SLC15A1: variants seen among roughly 807,000 people sequenced by gnomAD.
SLC15A1 encodes the protein Caco-2 oligopeptide transporter.
A neutral mutation model predicts 92.9 loss-of-function variants in SLC15A1; 83 were observed. The observed-to-expected ratio is 0.89, with a 90% CI of 0.75 to 1.07. The LOEUF (loss-of-function observed/expected upper bound fraction) is 1.07. SLC15A1 is among the 50% of genes least tolerant of loss of function. The pLI, the probability that SLC15A1 is intolerant of heterozygous loss-of-function variation, is 0.00. For synonymous variants in SLC15A1, 322 were observed against 318.2 expected (o/e 1.01, Z -0.13); for missense variants, 857 against 880.1 (o/e 0.97, Z 0.33).
intron 1 of SLC15A1, among the ~76,000 whole-genome samples, chr13:98,751,986 C>T (rs1476710421): frequency 2.0e-5 from 3 of 152,208 alleles, no homozygotes; most frequent in South Asian, 2.1e-4. Context: ...AATTCGGAAG[C>T]GGGGCAGGAG....
chr13:98,688,085 T>C (rs1159375569), intron 20 of SLC15A1, among the ~76,000 whole-genome samples, 163 bp downstream of exon 20: 1 of 152,236 alleles, frequency 6.6e-6, no homozygotes, highest in African/African-American at 2.4e-5. Context: ...GATTAAGTCA[T>C]CAATAAGTTA....
At chr13:98,752,402 G>T (rs577533024) in intron 1 of SLC15A1, among the ~76,000 whole-genome samples, 193 bp downstream of exon 1, 1 of 152,080 alleles carries the variant, frequency 6.6e-6, no homozygotes, top group Non-Finnish European at 1.5e-5. Flanking sequence ...TCTGGCTTCC[G>T]CGCCCCGGCC....
At chr13:98,721,774 C>T (rs371067259) in intron 6 of SLC15A1, 30 bp downstream of exon 6, 16 of 1,595,470 alleles carry the variant, frequency 1.0e-5, no homozygotes, top group Middle Eastern at 1.7e-4. Context: ...AGTTCATTCA[C>T]GTGGGCTCTG....
intron 18 of SLC15A1, among the ~76,000 whole-genome samples, chr13:98,695,347 G>A (rs1209281774): frequency 1.1e-4 from 16 of 152,100 alleles, no homozygotes; most frequent in African/African-American, 3.1e-4. Context: ...TCAGCCTTCC[G>A]AGTAGCTAGG....
At chr13:98,704,469 CA>C (rs1475612387) in intron 16 of SLC15A1, 34 bp from the exon 17 acceptor site, 1 of 1,591,136 alleles carries the variant, frequency 6.3e-7, no homozygotes, top group South Asian at 1.1e-5. Context: ...TAGTTAATAT[CA>C]CAGAGTCTCG....
chr13:98,749,190 GGAGA>G (rs1382325237), intron 1 of SLC15A1, among the ~76,000 whole-genome samples: 2 of 152,186 alleles, frequency 1.3e-5, no homozygotes, highest in Non-Finnish European at 2.9e-5. Context: ...GACAGGAGGA[GGAGA>G]GAATGTGGAG....
At chr13:98,721,129 G>A (rs1257833912) in intron 7 of SLC15A1, 1 of 498,968 alleles carries the variant, frequency 2.0e-6, no homozygotes, top group South Asian at 1.5e-5. Context: ...ATATCACTGG[G>A]GAGCAAAGCT....
chr13:98,726,161 G>A lies in SLC15A1; in HGVS notation c.207C>T (p.Leu69=), dbSNP rs768700499. 51 of 1,614,138 alleles carry A rather than the reference G, an allele frequency of 3.2e-5. No homozygotes were observed. The East Asian group carries it at 8.5e-4, about 27-fold the overall frequency. The stretch of plus-strand genomic sequence containing the variant: ...GCCACGAGTCGGCGATAAGAGCTCC[G>A]AGAATTGGCGTCAGGTAGCACAGAG... The part of the protein sequence containing the change: ...FVALCYLTPI[L]GALIADSWLG... The change falls in exon 4 of 23, where the codon CTC becomes CTT. Residue 69 remains leucine (L), a synonymous_variant. Transcript: ENST00000376503.
intron 11 of SLC15A1, among the ~76,000 whole-genome samples, chr13:98,710,430 T>C (rs1023693372): frequency 3.3e-5 from 5 of 152,156 alleles, no homozygotes; most frequent in African/African-American, 1.2e-4. Context: ...GACACAGGAC[T>C]GTACAGGTAA....
At position 98,721,903 on chromosome 13, in the gene SLC15A1, C is replaced by A; in HGVS notation, c.366G>T (p.Val122=). The change falls in exon 6 of 23, where the codon GTG becomes GTT. Residue 122 remains valine, a splice_region_variant and synonymous_variant. Transcript: ENST00000376503. Reference sequence around the variant, plus strand: ...GGGCCAGGCCGATCAAGGACAGCACCCTGGGAAAGACAGGGTGTTAGGGCC... The same window carrying A: ...GGGCCAGGCCGATCAAGGACAGCACACTGGGAAAGACAGGGTGTTAGGGCC... ...DGTPDSLPVH[V]VLSLIGLALI... The A allele has an allele frequency of 6.2e-7, 1 of 1,611,962 alleles. No individual in the cohort carries two copies. The highest frequency in any genetic ancestry group is 8.5e-7 in the Non-Finnish European group (1 of 1,178,794).
At position 98,726,226 on chromosome 13, in the gene SLC15A1, C is replaced by A. The variant is rs1223366589; in HGVS notation, c.142G>T (p.Asp48Tyr). Reference protein sequence around the residue: ...ILYFTNFISWDDNLSTAIYHT... With the variant: ...ILYFTNFISWYDNLSTAIYHT... ...TAGATGGCGGTGGACAGGTTATCAT[C>A]CCAGCTGATGAAATTTGTGAAGTAC... The change falls in exon 4 of 23, where the codon GAT (aspartate) becomes TAT (tyrosine). Residue 48 changes from aspartate to tyrosine, a missense_variant. By Grantham distance (160) the Asp-to-Tyr change is radical (BLOSUM62 -3). Transcript: ENST00000376503. 3 of 1,613,820 alleles carry A rather than the reference C, an allele frequency of 1.9e-6. No homozygotes were observed. The African/African-American group carries it at 4.0e-5, about 22-fold the overall frequency.
chr13:98,710,674 G>A (rs776383148), intron 11 of SLC15A1, among the ~76,000 whole-genome samples: 2 of 151,936 alleles, frequency 1.3e-5, no homozygotes, highest in African/African-American at 2.4e-5. Context: ...CAGATGTGGT[G>A]GCAGGTGCCT....
intron 18 of SLC15A1, among the ~76,000 whole-genome samples, chr13:98,691,052 GT>G (rs997824062): frequency 4.5e-4 from 68 of 150,110 alleles, no homozygotes; most frequent in African/African-American, 1.5e-3. Flanking sequence ...TTCCTTTTTT[GT>G]TTTTTTTTGA....
At chr13:98,693,037 C>T (rs2087993263) in intron 18 of SLC15A1, among the ~76,000 whole-genome samples, 1 of 150,878 alleles carries the variant, frequency 6.6e-6, no homozygotes, top group Non-Finnish European at 1.5e-5. Context: ...CCATGCCCAG[C>T]CAAGGGGTCC....
At chr13:98,740,731 T>C (rs914301) in intron 1 of SLC15A1, among the ~76,000 whole-genome samples, 147,240 of 152,188 alleles carry the variant, frequency 0.97, 71,311 homozygotes, top group African/African-American at 0.99. Context: ...AAAGCAGCAG[T>C]GGGACCTGCA....
At chr13:98,739,384 T>C (rs2088421907) in intron 1 of SLC15A1, among the ~76,000 whole-genome samples, 1 of 152,204 alleles carries the variant, frequency 6.6e-6, no homozygotes, top group South Asian at 2.1e-4. Flanking sequence ...TTTGAATGCA[T>C]GTCCCTGCCC....
intron 2 of SLC15A1, 111 bp from the exon 3 acceptor site, chr13:98,726,560 G>A (rs563697200): frequency 1.1e-5 from 11 of 957,500 alleles, no homozygotes; most frequent in Admixed American, 2.0e-5. Flanking sequence ...GTAACTTACC[G>A]GTGACTGTCT....
chr13:98,697,482 C>T (rs1413413640), intron 18 of SLC15A1, among the ~76,000 whole-genome samples: 1 of 152,166 alleles, frequency 6.6e-6, no homozygotes, highest in East Asian at 1.9e-4. Context: ...GGAAGACCCT[C>T]TTGCTGGCAA....
chr13:98,688,684 TA>T, intron 18 of SLC15A1, 107 bp from the exon 19 acceptor site: 1 of 774,536 alleles, frequency 1.3e-6, no homozygotes, highest in Non-Finnish European at 2.1e-6. Context: ...TGAAGGAGTT[TA>T]AGATGTTTTC....
Sources: gnomAD v4.1 joint callset for allele counts (sites outside exome capture counted in the v4.1 genomes callset) on GRCh38, gnomAD v4.1.1 for gene constraint, MANE v1.5 for transcripts, NCBI Gene and HGNC (gene_info 2026-07-23, HGNC 2026-07-21) for gene names.